IGFN1: variants seen among roughly 807,000 people sequenced by gnomAD.
The protein encoded by IGFN1 is immunoglobulin-like and fibronectin type III domain-containing protein 1.
In IGFN1, 253 loss-of-function variants were observed where a neutral mutation model predicts 289.5. The ratio of observed to expected loss-of-function variants is 0.87; its 90% confidence interval spans 0.79 to 0.97. The LOEUF (loss-of-function observed/expected upper bound fraction) is 0.97. IGFN1 is among the 50% of genes least tolerant of loss of function. The probability of loss-of-function intolerance (pLI) is 0.00; values close to 1 mark genes in which losing one functional copy is unlikely to be tolerated. For missense variants in IGFN1, 4,470 were observed against 4,686.1 expected (o/e 0.95, Z 1.35); for synonymous variants, 1,706 against 1,788.5 (o/e 0.95, Z 1.16).
chr1:201,221,905 G>T (rs374627808), intron 19 of IGFN1, among the ~76,000 whole-genome samples, 159 bp downstream of exon 19: 1 of 152,218 alleles, frequency 6.6e-6, no homozygotes, highest in Non-Finnish European at 1.5e-5. Context: ...TACTGGGCTA[G>T]GCAGTCCCTT....
rs981271194 is a variant in IGFN1 at position 201,201,105 on chromosome 1, A to C, written c.634-614A>C. 6.2e-4 allele frequency among the ~76,000 whole-genome samples: 94 copies of C among 152,110 alleles called. 2 individuals are homozygous for C. Among genetic ancestry groups the C allele is most frequent in the Admixed American group, 2.0e-4 (3 of 15,282 alleles). On this transcript the variant is annotated intron_variant, in intron 8 of 23. Coordinates refer to ENST00000335211, the MANE Select transcript of IGFN1 (RefSeq NM_001164586.2). ...CTCGGCCTCCCAAAGTGCTGGGATT[A>C]CAGGCGTGAGCCACCGCACCTGGCT...
In IGFN1 at chr1:201,215,601, G is replaced by A. The variant is rs1267746859; in HGVS notation, c.9058G>A (p.Gly3020Arg). ...KLREPLVVKA[G>R]KPVIVKIPFQ... ...GAGAGAGCCACTGGTGGTCAAGGCT[G>A]GGAAGCCGGTGATAGTGAAGATCCC... Residue 3020 changes from glycine (G) to arginine (R), a missense_variant, in exon 15 of 24, where the codon GGG (glycine) becomes AGG (arginine). Gly to Arg is a moderately radical substitution (Grantham distance 125). Transcript: ENST00000335211. 2.3e-5 allele frequency: 37 copies of A among 1,612,530 alleles called. No individual in the cohort carries two copies. Among genetic ancestry groups the A allele is most frequent in the Non-Finnish European group, 3.1e-5 (36 of 1,179,394 alleles).
At position 201,194,278 on chromosome 1, in the gene IGFN1, G is replaced by T. The variant is rs1666789778; in HGVS notation, c.127+5G>T. On this transcript the variant is annotated splice_donor_5th_base_variant and intron_variant, in intron 3 of 23. Coordinates refer to ENST00000335211, the MANE Select transcript of IGFN1 (RefSeq NM_001164586.2). ...TCACCTCGGCTCTGCCAGAGGGTGAGCCCAGAGGGGAGCTGCGGAGGGGAG... is the reference window on the plus strand; with the variant it reads ...TCACCTCGGCTCTGCCAGAGGGTGATCCCAGAGGGGAGCTGCGGAGGGGAG... 1.3e-6 allele frequency: 2 copies of T among 1,551,154 alleles called. No homozygotes were observed. Among genetic ancestry groups the T allele is most frequent in the Non-Finnish European group, 8.7e-7 (1 of 1,146,774 alleles).
chr1:201,207,631 G>T lies in IGFN1; in HGVS notation c.2738G>T (p.Gly913Val). 6.5e-7 allele frequency: 1 copy of T among 1,537,128 alleles called. No individual in the cohort carries two copies. Among genetic ancestry groups the T allele is most frequent in the Non-Finnish European group, 8.7e-7 (1 of 1,146,874 alleles). ...CTAGGAGATAAGAAAGGATTAAGAG[G>T]TCCTGGGTCAATAGGGTCTGAACCA... ...GTLGDKKGLRGPGSIGSEPDF... is the reference protein window; with the variant it reads ...GTLGDKKGLRVPGSIGSEPDF... The change falls in exon 12 of 24, where the codon GGT (glycine) becomes GTT (valine). Residue 913 changes from glycine (G) to valine (V), a missense_variant. Gly to Val is a moderately radical substitution (Grantham distance 109, BLOSUM62 -3). Around this residue, in one of 8 missense-constraint regions of IGFN1, gnomAD observed 2,011 missense variants for 1,953.4 expected, o/e 1.03. Coordinates refer to ENST00000335211, the MANE Select transcript of IGFN1 (RefSeq NM_001164586.2).
chr1:201,216,151 C>G (rs1474875907), intron 15 of IGFN1: 1 of 617,370 alleles, frequency 1.6e-6, no homozygotes, highest in Non-Finnish European at 2.9e-6. Flanking sequence ...CAAGGTAGGA[C>G]TGCTCTTGGC....
rs1357501770 is a variant in IGFN1 at position 201,208,360 on chromosome 1, T to C, written c.3467T>C (p.Leu1156Pro). 2.0e-5 allele frequency: 29 copies of C among 1,465,500 alleles called. No individual in the cohort carries two copies. The highest frequency in any genetic ancestry group is 2.0e-5 in the Non-Finnish European group (22 of 1,118,860). The allele number at this position is 1,465,500 out of a possible 1,614,324, so 90.8% of individuals were successfully genotyped here. A position where few individuals can be genotyped will look rare whatever the true frequency, so the allele number is the denominator to read the frequency against. The change falls in exon 12 of 24, where the codon CTG becomes CCG. Residue 1156 changes from leucine to proline, a missense_variant. By Grantham distance (98) the Leu-to-Pro change is moderately conservative. Transcript: ENST00000335211. ...CCAGGAGCCATGGGACCAGGGTCTC[T>C]GAGGGCAGGAAGCAAAGTGGGTGAG... ...GGPGAMGPGS[L>P]RAGSKVGEGD...
intron 16 of IGFN1, 34 bp from the exon 17 acceptor site, chr1:201,217,253 G>A (rs1653370755): frequency 6.2e-7 from 1 of 1,603,688 alleles, no homozygotes; most frequent in East Asian, 2.2e-5. Flanking sequence ...CCTTTCCCAG[G>A]CCTCTGGCTG....
chr1:201,213,069 A>C lies in IGFN1; in HGVS notation c.8176A>C (p.Thr2726Pro). Reference protein sequence around the residue: ...GNSTEWGNALTPKPGESGPQG... With the variant: ...GNSTEWGNALPPKPGESGPQG... ...TTCTACTGAGTGGGGGAATGCCCTC[A>C]CCCCAAAACCTGGGGAGTCCGGACC... The change falls in exon 12 of 24, where the codon ACC (threonine) becomes CCC (proline). Residue 2726 changes from threonine to proline, a missense_variant. Around this residue, in one of 8 missense-constraint regions of IGFN1, gnomAD observed 2,218 missense variants for 2,114.1 expected, o/e 1.05. Coordinates refer to ENST00000335211, the MANE Select transcript of IGFN1 (RefSeq NM_001164586.2). 1 of 1,551,510 alleles carries C rather than the reference A, an allele frequency of 6.4e-7. No individual in the cohort carries two copies. Among genetic ancestry groups the C allele is most frequent in the Non-Finnish European group, 8.7e-7 (1 of 1,146,924 alleles).
chr1:201,198,891 A>C (rs1443689193), intron 5 of IGFN1, among the ~76,000 whole-genome samples: 1 of 152,182 alleles, frequency 6.6e-6, no homozygotes, highest in East Asian at 1.9e-4. Context: ...AAGAATACAA[A>C]TGGCTGCAGG....
In IGFN1 at chr1:201,226,852, C is replaced by A. The variant is rs762206588; in HGVS notation, c.10787-30C>A. 6 of 1,527,342 alleles carry A rather than the reference C, an allele frequency of 3.9e-6. No homozygotes were observed. The South Asian group carries it at 7.6e-5, about 19-fold the overall frequency. 94.6% of individuals were successfully genotyped at this position (1,527,342 alleles called of 1,614,324 possible). Reference sequence around the variant, plus strand: ...AGCCAGGCCTTCCTCGCTTTCTCACCCTCTTCTCTCACCCCGGCTTTCACC... The same window carrying A: ...AGCCAGGCCTTCCTCGCTTTCTCACACTCTTCTCTCACCCCGGCTTTCACC... On this transcript the variant is annotated intron_variant, in intron 22 of 23. Transcript: ENST00000335211.
At position 201,218,513 on chromosome 1, in the gene IGFN1, G is replaced by A. The variant is rs984884368; in HGVS notation, c.9770-17G>A. 6.2e-7 allele frequency: 1 copy of A among 1,608,218 alleles called. No homozygotes were observed. Among genetic ancestry groups the A allele is most frequent in the Non-Finnish European group, 8.5e-7 (1 of 1,177,562 alleles). ...AGCACCATCAGGGTGGGACTCACAT[G>A]GGCGGGCTGTTCACAGAGAGGAGGT... On this transcript the variant is annotated splice_polypyrimidine_tract_variant and intron_variant, in intron 17 of 23. Transcript: ENST00000335211.
At position 201,216,556 on chromosome 1, in the gene IGFN1, T is replaced by C. The variant is rs2102357633; in HGVS notation, c.9398T>C (p.Val3133Ala). Residue 3133 changes from valine to alanine, a missense_variant, in exon 16 of 24, where the codon GTA becomes GCA. Physicochemically the swap from Val to Ala is moderately conservative, Grantham distance 64 (BLOSUM62 0). Around this residue, in one of 8 missense-constraint regions of IGFN1, gnomAD observed 2,218 missense variants for 2,114.1 expected, o/e 1.05. Transcript: ENST00000335211. ...CCAAGGGACAATGGGGGCCGGACTG[T>C]AGAGTGCTACGTGGTGGAGAGACGG... ...RPPRDNGGRT[V>A]ECYVVERRQA... The C allele has an allele frequency of 6.2e-7, 1 of 1,613,476 alleles. No homozygotes were observed. The highest frequency in any genetic ancestry group is 8.5e-7 in the Non-Finnish European group (1 of 1,179,806).
At position 201,197,259 on chromosome 1, in the gene IGFN1, C is replaced by T. The variant is rs1427730734; in HGVS notation, c.309C>T (p.Cys103=). 6.4e-7 allele frequency: 1 copy of T among 1,551,590 alleles called. No homozygotes were observed. Among genetic ancestry groups the T allele is most frequent in the Non-Finnish European group, 8.7e-7 (1 of 1,146,884 alleles). The change falls in exon 5 of 24, where the codon TGC becomes TGT. Residue 103 remains cysteine (C), a synonymous_variant. Transcript: ENST00000335211. ...GCGAGGACACGGATCTGTACCGCTG[C>T]ACAGCAGTAAATGCGTACGGAGAGG... The part of the protein sequence containing the change: ...LTGEDTDLYR[C]TAVNAYGEAA...
At chr1:201,194,296 G>A (rs1468298635) in intron 3 of IGFN1, 23 bp downstream of exon 3, 2 of 1,550,118 alleles carry the variant, frequency 1.3e-6, no homozygotes, top group East Asian at 4.9e-5. Flanking sequence ...GGGAGCTGCG[G>A]AGGGGAGGCA....
rs1234433076 is a variant in IGFN1, at chr1:201,206,433, TG to T, written c.1543del (p.Ala515ProfsTer104). ...RENQSHREGG[W>X]ARSLAERPHL... ...AAATCAATCCCACAGAGAGGGAGGCTGGGCCAGAAGCCTTGCAGAGAGGCCC... is the reference window on the plus strand; with the variant it reads ...AAATCAATCCCACAGAGAGGGAGGCTGGCCAGAAGCCTTGCAGAGAGGCCC... On this transcript the variant is annotated frameshift_variant, in exon 12 of 24. Coordinates refer to ENST00000335211, the MANE Select transcript of IGFN1 (RefSeq NM_001164586.2). LOFTEE classifies it high-confidence loss of function. 6.4e-7 allele frequency: 1 copy of T among 1,551,020 alleles called. No homozygotes were observed.
rs749576807 is a variant in IGFN1 at position 201,215,816 on chromosome 1, C to G, written c.9273C>G (p.Ala3091=). 1 of 1,596,972 alleles carries G rather than the reference C, an allele frequency of 6.3e-7. No individual in the cohort carries two copies. The highest frequency in any genetic ancestry group is 2.2e-5 in the East Asian group (1 of 44,676). Reference sequence around the variant, plus strand: ...GGAGTGAGGGAGGCTCTGTGCAGGCCGAGCTCACTCTGCAAGTCATAGGTA... The same window carrying G: ...GGAGTGAGGGAGGCTCTGTGCAGGCGGAGCTCACTCTGCAAGTCATAGGTA... ...TLRSEGGSVQ[A]ELTLQVIDKP... is the part of the protein sequence containing the mutation. Residue 3091 remains alanine, a synonymous_variant, in exon 15 of 24, where the codon GCC becomes GCG. Coordinates refer to ENST00000335211, the MANE Select transcript of IGFN1 (RefSeq NM_001164586.2).
At position 201,213,906 on chromosome 1, in the gene IGFN1, C is replaced by T. The variant is rs149304750; in HGVS notation, c.8729-271C>T. ...TGTTGACCCAACTCTCTGTGGGTTA[C>T]CAGACTTCTCACCTGTGGCGGGGGG... On this transcript the variant is annotated intron_variant, in intron 12 of 23. Transcript: ENST00000335211. Among the ~76,000 whole-genome samples the T allele has an allele frequency of 3.2e-3, 492 of 152,298 alleles. 6 individuals are homozygous for T. The highest frequency in any genetic ancestry group is 0.011 in the African/African-American group (470 of 41,556).
At chr1:201,200,803 C>CG (rs1268263525) in intron 8 of IGFN1, among the ~76,000 whole-genome samples, 9 of 147,092 alleles carry the variant, frequency 6.1e-5, no homozygotes, top group Middle Eastern at 3.6e-3. Flanking sequence ...CACCAGATTG[C>CG]GGGGGGGAGG....
rs930092717 is a variant in IGFN1, at chr1:201,215,770, G to A, written c.9227G>A (p.Gly3076Asp). Residue 3076 changes from glycine to aspartate, a missense_variant, in exon 15 of 24, where the codon GGC (glycine) becomes GAC (aspartate). Physicochemically the swap from Gly to Asp is moderately conservative, Grantham distance 94. Around this residue, in one of 8 missense-constraint regions of IGFN1, gnomAD observed 2,218 missense variants for 2,114.1 expected, o/e 1.05. Transcript: ENST00000335211. The part of the protein sequence containing the change: ...CLPSAGRKDC[G>D]QYSVTLRSEG... ...CCCAGCGCAGGCAGGAAGGACTGTGGCCAGTACAGCGTGACACTGAGGAGT... is the reference window on the plus strand; with the variant it reads ...CCCAGCGCAGGCAGGAAGGACTGTGACCAGTACAGCGTGACACTGAGGAGT... The A allele has an allele frequency of 1.2e-6, 2 of 1,605,220 alleles. No homozygotes were observed. Among genetic ancestry groups the A allele is most frequent in the African/African-American group, 1.3e-5 (1 of 74,854 alleles).
Sources: gnomAD v4.1 joint callset for allele counts (sites outside exome capture counted in the v4.1 genomes callset) on GRCh38, gnomAD v4.1.1 for gene constraint, gnomAD v4.1.1 regional missense constraint, MANE v1.5 for transcripts, NCBI Gene and HGNC (gene_info 2026-07-23, HGNC 2026-07-21) for gene names.